The following KDM4C variants were observed in gnomAD, a reference collection of about 807,000 sequenced individuals.
KDM4C encodes lysine demethylase 4C.
A neutral mutation model predicts 129.3 loss-of-function variants in KDM4C; 81 were observed. The observed-to-expected ratio is 0.63, with a 90% CI of 0.52 to 0.75. The LOEUF is 0.75. KDM4C is among the 30% of genes least tolerant of loss of function. The pLI, the probability that KDM4C is intolerant of heterozygous loss-of-function variation, is 0.00. For synonymous variants in KDM4C, 573 were observed against 456.1 expected, an observed-to-expected ratio of 1.26 and a Z score of -3.26; for missense variants, 1,457 against 1,304.0, an observed-to-expected ratio of 1.12 and a Z score of -1.81.
chr9:6,926,171 C>T (rs1321554607), intron 8 of KDM4C, among the ~76,000 whole-genome samples: 1 of 151,876 alleles, frequency 6.6e-6, no homozygotes, highest in Non-Finnish European at 1.5e-5. Context: ...AGTTTGGCGT[C>T]AAGGGGCTGT....
chr9:6,806,884 C>CTCTCCG (rs1491094758), intron 3 of KDM4C, among the ~76,000 whole-genome samples: 810 of 66,368 alleles, frequency 0.012, 3 homozygotes, highest in Non-Finnish European at 0.016. Context: ...CTCCGTCTCC[C>CTCTCCG]TCTCCCTCTC....
At chr9:7,135,854 T>A (rs1841150203) in intron 19 of KDM4C, among the ~76,000 whole-genome samples, 1 of 152,148 alleles carries the variant, frequency 6.6e-6, no homozygotes, top group Non-Finnish European at 1.5e-5. Context: ...GTGGCAGACA[T>A]CTCTCATCAG....
intron 8 of KDM4C, among the ~76,000 whole-genome samples, chr9:6,935,927 T>A (rs564127374): frequency 6.6e-6 from 1 of 152,312 alleles, no homozygotes; most frequent in African/African-American, 2.4e-5. Context: ...GATGAAAGAA[T>A]AATAAACAGT....
In KDM4C at chr9:6,843,364, A is replaced by G. The variant is rs564032096; in HGVS notation, c.436-6143A>G. On this transcript the variant is annotated intron_variant, in intron 4 of 21. Coordinates refer to ENST00000381309, the MANE Select transcript of KDM4C (RefSeq NM_015061.6). ...TCTTTGAAAATGAAAAATTTAAGCA[A>G]TTTTTCAAAATATTTTCACTTGTGT... 2.6e-5 allele frequency among the ~76,000 whole-genome samples: 4 copies of G among 152,264 alleles called. No homozygotes were observed. The South Asian group carries it at 8.3e-4, about 32-fold the overall frequency.
intron 19 of KDM4C, among the ~76,000 whole-genome samples, chr9:7,159,149 T>G (rs1843510284): frequency 6.6e-6 from 1 of 151,986 alleles, no homozygotes; most frequent in Non-Finnish European, 1.5e-5. Context: ...TAACCAGGAT[T>G]GCAATCCCTG....
upstream of KDM4C, among the ~76,000 whole-genome samples, chr9:6,756,363 T>C (rs1276900779): frequency 2.6e-5 from 4 of 152,358 alleles, no homozygotes; most frequent in East Asian, 7.7e-4. Context: ...ATGGTTGGGA[T>C]CCTGACGTTA....
chr9:7,049,307 T>C (rs574231963), intron 17 of KDM4C, 107 bp downstream of exon 17: 4 of 530,954 alleles, frequency 7.5e-6, no homozygotes, highest in Non-Finnish European at 1.3e-5. Flanking sequence ...CCTAGCTTTC[T>C]TTTATTTTTC....
intron 17 of KDM4C, among the ~76,000 whole-genome samples, chr9:7,102,376 G>A (rs1184709546): frequency 7.2e-6 from 1 of 138,496 alleles, no homozygotes; most frequent in Non-Finnish European, 1.5e-5. Context: ...TTATATGAAG[G>A]ATATTAAGTA....
intron 8 of KDM4C, among the ~76,000 whole-genome samples, chr9:6,940,470 T>G (rs560067028): frequency 1.3e-5 from 2 of 152,360 alleles, no homozygotes; most frequent in South Asian, 4.1e-4. Context: ...TGTGTCAACT[T>G]TCATTTAATC....
chr9:7,063,071 A>G (rs756219865), intron 17 of KDM4C, among the ~76,000 whole-genome samples: 1 of 152,206 alleles, frequency 6.6e-6, no homozygotes, highest in Admixed American at 6.6e-5. Context: ...TATGGATATA[A>G]ATAATTATGG....
intron 12 of KDM4C, among the ~76,000 whole-genome samples, chr9:6,994,789 A>G (rs745560535): frequency 2.0e-5 from 3 of 152,250 alleles, no homozygotes; most frequent in Non-Finnish European, 2.9e-5. Flanking sequence ...TTAATTACCA[A>G]TATAAATGTG....
At chr9:6,953,441 C>T (rs1485445716) in intron 8 of KDM4C, among the ~76,000 whole-genome samples, 2 of 152,210 alleles carry the variant, frequency 1.3e-5, no homozygotes, top group Non-Finnish European at 1.5e-5. Flanking sequence ...TTAATACTTG[C>T]AATGCAATAA....
At chr9:6,741,347 A>T (rs76645520) in intron 1 of KDM4C, among the ~76,000 whole-genome samples, 1 of 151,954 alleles carries the variant, frequency 6.6e-6, no homozygotes, top group Non-Finnish European at 1.5e-5. Context: ...GTGGGCAGAG[A>T]TTGCGACACT....
chr9:6,902,064 G>T (rs1219957415), intron 8 of KDM4C, among the ~76,000 whole-genome samples: 2 of 152,152 alleles, frequency 1.3e-5, no homozygotes, highest in Non-Finnish European at 2.9e-5. Flanking sequence ...GTTAAATTAG[G>T]CCTTTGTTGT....
chr9:6,945,486 A>G (rs1014554573), intron 8 of KDM4C, among the ~76,000 whole-genome samples: 3 of 152,120 alleles, frequency 2.0e-5, no homozygotes, highest in Non-Finnish European at 4.4e-5. Flanking sequence ...TGAACTCATG[A>G]TTAGGGAGAA....
At chr9:6,722,469 G>A (rs1454129150) in intron 1 of KDM4C, among the ~76,000 whole-genome samples, 1 of 151,984 alleles carries the variant, frequency 6.6e-6, no homozygotes, top group African/African-American at 2.4e-5. Context: ...GTTGAGCTCA[G>A]GAGTTTGACG....
intron 5 of KDM4C, among the ~76,000 whole-genome samples, chr9:6,855,610 C>G (rs1839673929): frequency 1.3e-5 from 2 of 151,814 alleles, no homozygotes; most frequent in Admixed American, 6.6e-5. Context: ...CCCTTTATTT[C>G]TCCCTCCCTC....
intron 17 of KDM4C, 103 bp from the exon 18 acceptor site, chr9:7,103,580 GTT>G (rs376435173): frequency 3.4e-3 from 2,083 of 617,570 alleles, no homozygotes; most frequent in Middle Eastern, 5.3e-3. Context: ...GTAATCAGTT[GTT>G]TTTTTTTTTT....
chr9:7,091,802 G>A (rs1321907480), intron 17 of KDM4C, among the ~76,000 whole-genome samples: 1 of 152,202 alleles, frequency 6.6e-6, no homozygotes, highest in African/African-American at 2.4e-5. Context: ...ACATGGGCAG[G>A]AAAAGTCACA....
Sources: gnomAD v4.1 joint callset for allele counts (sites outside exome capture counted in the v4.1 genomes callset) on GRCh38, gnomAD v4.1.1 for gene constraint, MANE v1.5 for transcripts, NCBI Gene and HGNC (gene_info 2026-07-23, HGNC 2026-07-21) for gene names.